CGNL1: variants seen among roughly 807,000 people sequenced by gnomAD.
CGNL1 encodes the protein cingulin-like protein 1.
CGNL1 carries 132 observed loss-of-function variants against 141.2 expected under a neutral mutation model. The ratio of observed to expected loss-of-function variants is 0.93; its 90% CI spans 0.81 to 1.08. The LOEUF (loss-of-function observed/expected upper bound fraction) is 1.08. CGNL1 is among the 50% of genes least tolerant of loss of function. The pLI, the probability that CGNL1 is intolerant of heterozygous loss-of-function variation, is 0.00. For synonymous variants in CGNL1, 690 were observed against 622.1 expected (o/e 1.11, Z -1.63); for missense variants, 1,870 against 1,588.6 (o/e 1.18, Z -3.01).
intron 8 of CGNL1, among the ~76,000 whole-genome samples, chr15:57,479,225 G>T (rs558645599): frequency 6.6e-6 from 1 of 152,330 alleles, no homozygotes; most frequent in African/African-American, 2.4e-5. Context: ...GGAGAAGGCA[G>T]TTGGACCAAG....
rs139872947 is a variant in CGNL1, at chr15:57,467,436, A to G, written c.2403+5544A>G. 2.9e-3 allele frequency among the ~76,000 whole-genome samples: 449 copies of G among 152,236 alleles called. 7 individuals are homozygous for G. Among genetic ancestry groups the G allele is most frequent in the African/African-American group, 0.01 (420 of 41,540 alleles). On this transcript the variant is annotated intron_variant, in intron 8 of 18. Transcript: ENST00000281282. ...ATGAGCAATACCTTGTAGGTGGGAA[A>G]GTGAGATGTCTGGGCTGGGCTTTGT...
intron 1 of CGNL1, among the ~76,000 whole-genome samples, chr15:57,415,736 C>A (rs1224420258): frequency 2.0e-5 from 3 of 152,206 alleles, no homozygotes; most frequent in African/African-American, 7.2e-5. Context: ...ACGGGCCCAA[C>A]GTAGAGCATG....
At chr15:57,524,097 T>G (rs1169157955) in intron 11 of CGNL1, among the ~76,000 whole-genome samples, 1 of 152,220 alleles carries the variant, frequency 6.6e-6, no homozygotes, top group African/African-American at 2.4e-5. Flanking sequence ...TTCTGTATTC[T>G]GGGAGTTGAC....
intron 8 of CGNL1, among the ~76,000 whole-genome samples, chr15:57,511,610 C>T (rs913098203): frequency 2.0e-5 from 3 of 152,222 alleles, no homozygotes; most frequent in African/African-American, 7.2e-5. Context: ...CGTTTCCTCA[C>T]ATTACACATA....
chr15:57,433,966 G>T (rs2063075322), intron 1 of CGNL1, among the ~76,000 whole-genome samples: 1 of 152,112 alleles, frequency 6.6e-6, no homozygotes, highest in Non-Finnish European at 1.5e-5. Flanking sequence ...CCAACTAATA[G>T]TCTTCTCCAC....
At chr15:57,494,478 C>T (rs556324633) in intron 8 of CGNL1, among the ~76,000 whole-genome samples, 28 of 152,286 alleles carry the variant, frequency 1.8e-4, no homozygotes, top group Middle Eastern at 3.4e-3. Flanking sequence ...CAGCATTTAA[C>T]ACCCTTCATT....
At chr15:57,388,081 C>T (rs1047701165) in intron 1 of CGNL1, among the ~76,000 whole-genome samples, 4 of 152,304 alleles carry the variant, frequency 2.6e-5, no homozygotes, top group Admixed American at 2.0e-4. Context: ...TTACCCTGCC[C>T]CACTTCTGAC....
At chr15:57,469,237 C>G (rs2063549616) in intron 8 of CGNL1, among the ~76,000 whole-genome samples, 2 of 151,284 alleles carry the variant, frequency 1.3e-5, no homozygotes, top group Non-Finnish European at 2.9e-5. Flanking sequence ...AGACAGCTGA[C>G]CTGAGCAGGC....
intron 1 of CGNL1, among the ~76,000 whole-genome samples, chr15:57,383,885 C>T (rs1225817236): frequency 6.6e-6 from 1 of 151,204 alleles, no homozygotes. Context: ...GCCATCCACC[C>T]ACCTAGGCCT....
At chr15:57,409,330 C>G (rs1243135320) in intron 1 of CGNL1, among the ~76,000 whole-genome samples, 1 of 152,164 alleles carries the variant, frequency 6.6e-6, no homozygotes, top group Non-Finnish European at 1.5e-5. Flanking sequence ...GGGGCCTGGT[C>G]TTGAATTCCA....
chr15:57,412,330 G>T (rs1399748152), intron 1 of CGNL1, among the ~76,000 whole-genome samples: 1 of 152,208 alleles, frequency 6.6e-6, no homozygotes, highest in Non-Finnish European at 1.5e-5. Flanking sequence ...GCTCAGATAA[G>T]ATCTGGAGAA....
At chr15:57,522,830 A>G (rs1452447782) in intron 10 of CGNL1, among the ~76,000 whole-genome samples, 1 of 152,160 alleles carries the variant, frequency 6.6e-6, no homozygotes, top group Non-Finnish European at 1.5e-5. Flanking sequence ...TCAATCAACA[A>G]CCACCTACCT....
chr15:57,398,023 C>G (rs1189501430), intron 1 of CGNL1, among the ~76,000 whole-genome samples: 2 of 152,150 alleles, frequency 1.3e-5, no homozygotes, highest in Non-Finnish European at 2.9e-5. Context: ...CCTCGAGATG[C>G]GCCTGCCTCA....
At chr15:57,480,845 T>C (rs1197122925) in intron 8 of CGNL1, among the ~76,000 whole-genome samples, 3 of 152,228 alleles carry the variant, frequency 2.0e-5, no homozygotes, top group African/African-American at 7.2e-5. Context: ...TCAGTGGATC[T>C]GGAACCTTCT....
intron 8 of CGNL1, among the ~76,000 whole-genome samples, chr15:57,485,978 A>T (rs1484894711): frequency 2.6e-5 from 4 of 152,192 alleles, no homozygotes; most frequent in Admixed American, 2.6e-4. Flanking sequence ...AGGTCTGCCA[A>T]GGTAAGTCAG....
chr15:57,539,751 T>TG (rs1362265211), intron 14 of CGNL1, among the ~76,000 whole-genome samples: 1 of 152,144 alleles, frequency 6.6e-6, no homozygotes, highest in Non-Finnish European at 1.5e-5. Context: ...TCCCCTGACA[T>TG]GGGGGGTTGG....
chr15:57,499,808 A>G (rs181093628), intron 8 of CGNL1, among the ~76,000 whole-genome samples: 3 of 152,352 alleles, frequency 2.0e-5, no homozygotes, highest in East Asian at 3.9e-4. Context: ...GGCCTGACCC[A>G]GTACAAAGAG....
chr15:57,488,553 C>G (rs890568367), intron 8 of CGNL1, among the ~76,000 whole-genome samples: 7 of 152,006 alleles, frequency 4.6e-5, no homozygotes, highest in African/African-American at 1.4e-4. Flanking sequence ...GAAGGGGGTG[C>G]AAGAGAGAAG....
intron 7 of CGNL1, among the ~76,000 whole-genome samples, chr15:57,456,490 T>G (rs949637943): frequency 1.3e-5 from 2 of 148,556 alleles, no homozygotes; most frequent in African/African-American, 2.5e-5. Context: ...TGGCTTTCAC[T>G]TAAAAAAAAA....
Sources: gnomAD v4.1 joint callset for allele counts (sites outside exome capture counted in the v4.1 genomes callset) on GRCh38, gnomAD v4.1.1 for gene constraint, MANE v1.5 for transcripts, NCBI Gene and HGNC (gene_info 2026-07-23, HGNC 2026-07-21) for gene names.